The following CCDC88C variants were observed in gnomAD, a reference collection of about 807,000 sequenced individuals.
CCDC88C encodes the protein protein Daple.
In CCDC88C, 131 loss-of-function variants were observed where a neutral mutation model predicts 198.8. The ratio of observed to expected loss-of-function variants is 0.66; its 90% CI spans 0.57 to 0.76. CCDC88C has a LOEUF of 0.76. Among genes scored for constraint, CCDC88C ranks in the 30% least tolerant of loss-of-function variants. The probability of loss-of-function intolerance (pLI) is 0.00; values close to 1 mark genes in which losing one functional copy is unlikely to be tolerated. For synonymous variants in CCDC88C, 1,166 were observed against 1,114.7 expected, an observed-to-expected ratio of 1.05 and a Z score of -0.92; for missense variants, 2,553 against 2,631.6, an observed-to-expected ratio of 0.97 and a Z score of 0.65.
At chr14:91,377,340 T>G (rs925508813) in intron 3 of CCDC88C, among the ~76,000 whole-genome samples, 16 of 152,206 alleles carry the variant, frequency 1.1e-4, no homozygotes, top group African/African-American at 3.9e-4. Flanking sequence ...TTCACGCGCA[T>G]GAGAGCCGGA....
intron 3 of CCDC88C, among the ~76,000 whole-genome samples, chr14:91,386,620 T>G (rs540373996): frequency 6.6e-5 from 10 of 152,380 alleles, no homozygotes; most frequent in African/African-American, 2.4e-4. Context: ...ACAGTCTCCA[T>G]GCTCGGGCCA....
intron 3 of CCDC88C, among the ~76,000 whole-genome samples, chr14:91,368,234 T>G (rs557292315): frequency 1.3e-5 from 2 of 152,336 alleles, no homozygotes; most frequent in East Asian, 3.9e-4. Context: ...TGAGGGTGGT[T>G]TCTCTGCTAA....
chr14:91,396,961 G>A (rs927679756), intron 3 of CCDC88C, among the ~76,000 whole-genome samples: 3 of 151,612 alleles, frequency 2.0e-5, no homozygotes, highest in African/African-American at 7.3e-5. Flanking sequence ...AGCCGTGATC[G>A]CACCACTGCA....
chr14:91,373,812 A>T (rs1894949239), intron 3 of CCDC88C, among the ~76,000 whole-genome samples: 1 of 152,184 alleles, frequency 6.6e-6, no homozygotes, highest in Non-Finnish European at 1.5e-5. Flanking sequence ...GGGGGTGGGC[A>T]GGGGTTGGAG....
Position 91,321,188 on chromosome 14 carries a change from G to C in CCDC88C, c.1459C>G (p.Leu487Val). The C allele has an allele frequency of 1.2e-6, 2 of 1,612,906 alleles. No individual in the cohort carries two copies. The highest frequency in any genetic ancestry group is 1.7e-6 in the Non-Finnish European group (2 of 1,179,538). Residue 487 changes from leucine to valine, a missense_variant, in exon 13 of 30, where the codon CTG (leucine) becomes GTG (valine). Leu to Val is a conservative substitution (Grantham distance 32). Transcript: ENST00000389857. ...STIQGLRDAS[L>V]VLEESGLKCG... ...TTGAGGCCGCTCTCCTCCAACACCA[G>C]GGACGCGTCCCGCAGCCCCTGGATG...
chr14:91,357,166 A>G (rs553331060), intron 4 of CCDC88C, among the ~76,000 whole-genome samples: 5 of 152,312 alleles, frequency 3.3e-5, no homozygotes, highest in African/African-American at 1.2e-4. Context: ...CATGGCACCC[A>G]AGCCCTCGGA....
Position 91,358,494 on chromosome 14 carries a change from T to G in CCDC88C, c.340+1148A>C, listed in dbSNP as rs537933756. Reference sequence around the variant, plus strand: ...GGAAGTCCTAGCCAGCGAGTAACTCTGTCCCTGGGGCCTGCGACTTCTGTC... The same window carrying G: ...GGAAGTCCTAGCCAGCGAGTAACTCGGTCCCTGGGGCCTGCGACTTCTGTC... On this transcript the variant is annotated intron_variant, in intron 4 of 29. Transcript: ENST00000389857. Among the ~76,000 whole-genome samples the G allele has an allele frequency of 4.1e-4, 62 of 152,202 alleles. 1 individual carries two copies. Among genetic ancestry groups the G allele is most frequent in the Non-Finnish European group, 6.8e-4 (46 of 68,034 alleles).
At chr14:91,399,262 G>C (rs1359213110) in intron 3 of CCDC88C, among the ~76,000 whole-genome samples, 1 of 152,140 alleles carries the variant, frequency 6.6e-6, no homozygotes, top group Non-Finnish European at 1.5e-5. Context: ...CACCAAGCTG[G>C]CTTGCTCCCC....
At chr14:91,330,760 T>A (rs750582376) in intron 10 of CCDC88C, among the ~76,000 whole-genome samples, 10 of 151,944 alleles carry the variant, frequency 6.6e-5, no homozygotes, top group Non-Finnish European at 1.3e-4. Context: ...CACACTGGCC[T>A]TGAGATGTCT....
chr14:91,306,090 TCAG>T (rs1891545819), intron 18 of CCDC88C, among the ~76,000 whole-genome samples, 164 bp from the exon 19 acceptor site: 1 of 152,190 alleles, frequency 6.6e-6, no homozygotes, highest in South Asian at 2.1e-4. Context: ...AAAAAGATAA[TCAG>T]CAGGATTTTT....
rs1271053593 is a variant in CCDC88C at position 91,416,846 on chromosome 14, G to C, written c.61-8C>G. On this transcript the variant is annotated splice_region_variant and splice_polypyrimidine_tract_variant and intron_variant, in intron 1 of 29. Coordinates refer to ENST00000389857, the MANE Select transcript of CCDC88C (RefSeq NM_001080414.4). ...CGGGCCAAAAGTTTTCACCTGCGGG[G>C]AGGGGGACGAGGAGAGAAAGACAGG... 5 of 1,599,080 alleles carry C rather than the reference G, an allele frequency of 3.1e-6. No individual in the cohort carries two copies. Among genetic ancestry groups the C allele is most frequent in the Non-Finnish European group, 3.4e-6 (4 of 1,168,212 alleles).
intron 24 of CCDC88C, among the ~76,000 whole-genome samples, chr14:91,290,361 CAG>C (rs1890607970): frequency 6.6e-6 from 1 of 152,228 alleles, no homozygotes; most frequent in South Asian, 2.1e-4. Flanking sequence ...TCTGGATTCC[CAG>C]AGAGACCTCA....
chr14:91,274,773 A>G (rs1889884012), intron 29 of CCDC88C, among the ~76,000 whole-genome samples: 1 of 152,212 alleles, frequency 6.6e-6, no homozygotes. Flanking sequence ...AACTCATTTA[A>G]TTCTCAAAAT....
intron 3 of CCDC88C, among the ~76,000 whole-genome samples, chr14:91,390,740 G>GA (rs1021878439): frequency 1.1e-4 from 17 of 151,196 alleles, no homozygotes; most frequent in South Asian, 2.1e-4. Context: ...GAGTTACAAA[G>GA]AAAAAAAAAC....
At chr14:91,289,077 C>T (rs373541390) in intron 25 of CCDC88C, 28 bp downstream of exon 25, 33 of 1,589,228 alleles carry the variant, frequency 2.1e-5, no homozygotes, top group East Asian at 9.0e-5. Context: ...CTTCCTCACC[C>T]GACCACGGCC....
At chr14:91,314,442 C>T (rs76832288) in intron 14 of CCDC88C, among the ~76,000 whole-genome samples, 3,172 of 152,290 alleles carry the variant, frequency 0.021, 129 homozygotes, top group African/African-American at 0.072. Context: ...CTCTGGTAGC[C>T]GGGCCCTGCC....
chr14:91,395,117 G>A (rs1885766792), intron 3 of CCDC88C, among the ~76,000 whole-genome samples: 1 of 152,200 alleles, frequency 6.6e-6, no homozygotes, highest in South Asian at 2.1e-4. Flanking sequence ...ACAAATCTGA[G>A]GGGTACGCTC....
chr14:91,314,055 G>A lies in CCDC88C; in HGVS notation c.1761C>T (p.Asp587=), dbSNP rs778864244. Residue 587 remains aspartate (D), a synonymous_variant, in exon 15 of 30, where the codon GAC becomes GAT. Transcript: ENST00000389857. ...GGAGGGCTTTGTTCTCCTTCTCCAC[G>A]TCTTTCATGCGGGCCTCACTGCTGA... is the stretch of plus-strand genomic sequence containing the variant. ...SQVSSEARMK[D]VEKENKALHQ... 9.3e-6 allele frequency: 15 copies of A among 1,613,714 alleles called. No homozygotes were observed. Among genetic ancestry groups the A allele is most frequent in the African/African-American group, 2.7e-5 (2 of 74,872 alleles).
chr14:91,408,539 G>A (rs911763839), intron 3 of CCDC88C, 120 bp downstream of exon 3: 7 of 696,546 alleles, frequency 1.0e-5, no homozygotes, highest in Non-Finnish European at 1.9e-5. Flanking sequence ...CAGACCAACT[G>A]TCAACAAGTA....
Sources: allele counts gnomAD v4.1 joint callset (sites outside exome capture counted in the v4.1 genomes callset), GRCh38; gene constraint gnomAD v4.1.1; transcripts MANE v1.5; gene names NCBI Gene and HGNC (gene_info 2026-07-23, HGNC 2026-07-21).